SNTG1: variants seen among roughly 807,000 people sequenced by gnomAD.
SNTG1 encodes syntrophin gamma 1.
Under a neutral mutation model 74.7 loss-of-function variants are expected in SNTG1, and 39 were observed. The observed-to-expected ratio is 0.52, with a 90% CI of 0.40 to 0.68. The LOEUF (loss-of-function observed/expected upper bound fraction) is 0.68, where lower values mean the gene tolerates loss of function less well. Ranked by LOEUF, SNTG1 falls within the 30% of genes least tolerant of loss-of-function variation. The pLI is 0.00. For missense variants in SNTG1, 685 were observed against 609.5 expected, an observed-to-expected ratio of 1.12 and a Z score of -1.30; for synonymous variants, 254 against 217.1, an observed-to-expected ratio of 1.17 and a Z score of -1.49.
At position 50,536,533 on chromosome 8, in the gene SNTG1, A is replaced by C. The variant is rs1328368325; in HGVS notation, c.550-145A>C. ...AACCAATACAACTTTAGTGTCCATAATTTGGACTTCTTCTCATGGTATTCC... is the reference window on the plus strand; with the variant it reads ...AACCAATACAACTTTAGTGTCCATACTTTGGACTTCTTCTCATGGTATTCC... On this transcript the variant is annotated intron_variant, in intron 10 of 18. Coordinates refer to ENST00000642720, the MANE Select transcript of SNTG1 (RefSeq NM_018967.5). The C allele has an allele frequency of 4.4e-6, 4 of 912,676 alleles. No individual in the cohort carries two copies. In the East Asian group the frequency reaches 9.9e-5, roughly 23 times the overall value. The allele number at this position is 912,676 out of a possible 1,614,324, so 56.5% of individuals were successfully genotyped here.
At position 50,775,860 on chromosome 8, in the gene SNTG1, TAATC is replaced by T. The variant is rs527236678; in HGVS notation, c.1396-16810_1396-16807del. Among the ~76,000 whole-genome samples, 103 of 151,750 alleles carry T rather than the reference TAATC, an allele frequency of 6.8e-4. 1 individual carries two copies. Among genetic ancestry groups the T allele is most frequent in the Middle Eastern group, 3.4e-3 (1 of 292 alleles). On this transcript the variant is annotated intron_variant, in intron 18 of 18. Transcript: ENST00000642720. ...GTAGATTTATGCTTGTATTATTAAT[TAATC>T]TGTCTCATTTCATCCAATAATTTTC...
chr8:50,178,185 G>C (rs192266078), intron 2 of SNTG1, among the ~76,000 whole-genome samples: 1 of 152,268 alleles, frequency 6.6e-6, no homozygotes, highest in Admixed American at 6.5e-5. Context: ...CATTGGTAAT[G>C]CTTAGTAGCA....
At chr8:50,676,465 G>A (rs1375250352) in intron 15 of SNTG1, among the ~76,000 whole-genome samples, 4 of 151,892 alleles carry the variant, frequency 2.6e-5, no homozygotes, top group African/African-American at 7.2e-5. Context: ...GTGTTACGCA[G>A]CACCATCAGT....
intron 18 of SNTG1, among the ~76,000 whole-genome samples, chr8:50,759,455 A>G (rs1035780658): frequency 1.1e-4 from 17 of 151,848 alleles, no homozygotes; most frequent in Non-Finnish European, 2.4e-4. Context: ...CTTTGTTTAA[A>G]TCTTTAATCC....
chr8:49,977,009 G>A (rs1812256201), intron 1 of SNTG1, among the ~76,000 whole-genome samples: 1 of 152,090 alleles, frequency 6.6e-6, no homozygotes, highest in Non-Finnish European at 1.5e-5. Flanking sequence ...GAAAAAAATG[G>A]ATATATTTTA....
rs191153037 is a variant in SNTG1 at position 50,592,362 on chromosome 8, G to T, written c.849+1445G>T. 1.8e-4 allele frequency among the ~76,000 whole-genome samples: 27 copies of T among 152,212 alleles called. No homozygotes were observed. In the East Asian group the frequency reaches 4.6e-3, roughly 26 times the overall value. ...TAGAGCTGTGTCGTCACCCTCTCAT[G>T]CCCTTTCTAAACTCAACATGGGAGA... is the stretch of plus-strand genomic sequence containing the variant. On this transcript the variant is annotated intron_variant, in intron 13 of 18. Transcript: ENST00000642720.
At chr8:50,101,797 G>C (rs1046735392) in intron 1 of SNTG1, among the ~76,000 whole-genome samples, 1 of 151,944 alleles carries the variant, frequency 6.6e-6, no homozygotes, top group African/African-American at 2.4e-5. Context: ...CTATGAGTGA[G>C]AACATGCGGT....
intron 1 of SNTG1, among the ~76,000 whole-genome samples, chr8:50,055,741 G>C (rs1027865276): frequency 1.3e-5 from 2 of 152,020 alleles, no homozygotes; most frequent in Non-Finnish European, 2.9e-5. Context: ...AAGGTACCTC[G>C]AAGTTGGTCC....
intron 11 of SNTG1, among the ~76,000 whole-genome samples, chr8:50,545,520 A>T (rs1398118264): frequency 6.7e-6 from 1 of 149,490 alleles, no homozygotes; most frequent in African/African-American, 2.4e-5. Context: ...GAATTTGAGA[A>T]GTATAATTTT....
chr8:50,565,320 G>T (rs1412704971), intron 12 of SNTG1, among the ~76,000 whole-genome samples: 3 of 151,932 alleles, frequency 2.0e-5, no homozygotes, highest in Non-Finnish European at 4.4e-5. Flanking sequence ...AAAAGAGTAT[G>T]GACTTTCGTT....
intron 4 of SNTG1, among the ~76,000 whole-genome samples, chr8:50,406,614 A>G (rs940493594): frequency 1.3e-5 from 2 of 152,032 alleles, no homozygotes; most frequent in Admixed American, 1.3e-4. Context: ...TTCTTATTCC[A>G]GATCTTAAAG....
intron 1 of SNTG1, among the ~76,000 whole-genome samples, chr8:50,154,210 G>T (rs1027470566): frequency 6.6e-6 from 1 of 152,136 alleles, no homozygotes; most frequent in African/African-American, 2.4e-5. Flanking sequence ...CCCCTCTGTG[G>T]GTGTGGGACC....
intron 12 of SNTG1, among the ~76,000 whole-genome samples, chr8:50,573,452 G>A (rs561925521): frequency 3.3e-5 from 5 of 151,964 alleles, no homozygotes; most frequent in Non-Finnish European, 7.4e-5. Context: ...ACCACTTTAA[G>A]AGGTTACCAT....
At chr8:50,712,077 C>T (rs2095463083) in intron 17 of SNTG1, among the ~76,000 whole-genome samples, 1 of 152,172 alleles carries the variant, frequency 6.6e-6, no homozygotes, top group Non-Finnish European at 1.5e-5. Context: ...GTGGCATCTA[C>T]AAAACACTCA....
rs536838360 is a variant in SNTG1, at chr8:49,968,046, T to A, written c.-103+55815T>A. Among the ~76,000 whole-genome samples the A allele has an allele frequency of 3.9e-5, 6 of 152,176 alleles. No homozygotes were observed. The South Asian group carries it at 1.0e-3, about 26-fold the overall frequency. ...CCTATTCATCTTCCAAGTCCAGTTATGCTTACTCTATACCTGGTGAACAGT... is the reference window on the plus strand; with the variant it reads ...CCTATTCATCTTCCAAGTCCAGTTAAGCTTACTCTATACCTGGTGAACAGT... On this transcript the variant is annotated intron_variant, in intron 1 of 18. Transcript: ENST00000642720.
At chr8:50,669,356 G>T (rs977384828) in intron 15 of SNTG1, among the ~76,000 whole-genome samples, 23 of 151,888 alleles carry the variant, frequency 1.5e-4, no homozygotes, top group Admixed American at 1.3e-4. Context: ...TGATAAAGGG[G>T]ATATCACCAC....
rs1326659690 is a variant in SNTG1, at chr8:50,794,335, AT to A, written c.*1508del. On this transcript the variant is annotated 3_prime_UTR_variant, in exon 19 of 19. Transcript: ENST00000642720. Reference sequence around the variant, plus strand: ...ATATCAAGTTGTTTTTATACTCATGATTCATTAATTTATTTTGCATCAGATT... The same window carrying A: ...ATATCAAGTTGTTTTTATACTCATGATCATTAATTTATTTTGCATCAGATT... 1 of 151,890 alleles carries A rather than the reference AT, an allele frequency of 6.6e-6. No homozygotes were observed. 9.4% of individuals were successfully genotyped at this position (151,890 alleles called of 1,614,324 possible). A position where few individuals can be genotyped will look rare whatever the true frequency, so the allele number is the denominator to read the frequency against.
intron 15 of SNTG1, among the ~76,000 whole-genome samples, chr8:50,665,747 G>C (rs2095247863): frequency 6.6e-6 from 1 of 152,012 alleles, no homozygotes. Context: ...GCAATTCTGG[G>C]ATAAAATAAA....
rs181799628 is a variant in SNTG1 at position 50,713,349 on chromosome 8, G to T, written c.1284+4371G>T. On this transcript the variant is annotated intron_variant, in intron 17 of 18. Coordinates refer to ENST00000642720, the MANE Select transcript of SNTG1 (RefSeq NM_018967.5). ...CCTTCATCCACTTTTTGATGGGGTT[G>T]TTTGTTTTTTTCTCTCAAATTTGTT... Among the ~76,000 whole-genome samples, 13 of 152,134 alleles carry T rather than the reference G, an allele frequency of 8.5e-5. No individual in the cohort carries two copies. In the East Asian group the frequency reaches 2.5e-3, roughly 29 times the overall value.
Sources: allele counts gnomAD v4.1 joint callset (sites outside exome capture counted in the v4.1 genomes callset), GRCh38; gene constraint gnomAD v4.1.1; transcripts MANE v1.5; gene names NCBI Gene and HGNC (gene_info 2026-07-23, HGNC 2026-07-21).